The following CAMK1D variants were observed in gnomAD, a reference collection of about 807,000 sequenced individuals.
CAMK1D encodes calcium/calmodulin-dependent protein kinase type 1D.
In CAMK1D, 9 loss-of-function variants were observed where a neutral mutation model predicts 47.7. The ratio of observed to expected loss-of-function variants is 0.19; its 90% CI spans 0.11 to 0.33. The LOEUF is 0.33. Ranked by LOEUF, CAMK1D falls within the 10% of genes least tolerant of loss-of-function variation. The pLI, the probability that CAMK1D is intolerant of heterozygous loss-of-function variation, is 1.00. For missense variants in CAMK1D, 291 were observed against 488.7 expected (o/e 0.60, Z 3.81); for synonymous variants, 184 against 184.9 (o/e 0.99, Z 0.04).
intron 2 of CAMK1D, among the ~76,000 whole-genome samples, chr10:12,664,937 A>G (rs1588754854): frequency 6.6e-6 from 1 of 152,234 alleles, no homozygotes; most frequent in East Asian, 1.9e-4. Context: ...GCAAATTAAA[A>G]CAATTTTTCC....
At chr10:12,685,991 T>A (rs1832645297) in intron 3 of CAMK1D, among the ~76,000 whole-genome samples, 1 of 152,232 alleles carries the variant, frequency 6.6e-6, no homozygotes, top group Non-Finnish European at 1.5e-5. Flanking sequence ...AGAGAGCTGA[T>A]ACATTCACTG....
chr10:12,533,127 C>A (rs1442407752), intron 1 of CAMK1D, among the ~76,000 whole-genome samples: 1 of 151,986 alleles, frequency 6.6e-6, no homozygotes, highest in Non-Finnish European at 1.5e-5. Context: ...GGATGGGTAC[C>A]CCATTCTCCA....
At chr10:12,533,298 C>T (rs1212386055) in intron 1 of CAMK1D, among the ~76,000 whole-genome samples, 1 of 152,292 alleles carries the variant, frequency 6.6e-6, no homozygotes, top group East Asian at 1.9e-4. Flanking sequence ...TTTCTCTGCA[C>T]TGAATCATCT....
chr10:12,433,950 G>A (rs1832558901), intron 1 of CAMK1D, among the ~76,000 whole-genome samples: 2 of 152,214 alleles, frequency 1.3e-5, no homozygotes, highest in Admixed American at 6.5e-5. Flanking sequence ...CTCCTCTGAA[G>A]TGGTACTGGC....
intron 3 of CAMK1D, among the ~76,000 whole-genome samples, chr10:12,695,318 C>T (rs929662510): frequency 1.2e-4 from 19 of 152,084 alleles, no homozygotes; most frequent in African/African-American, 4.1e-4. Flanking sequence ...ACGTAGAGGG[C>T]GAACATAAGT....
chr10:12,364,056 CG>C (rs981920854), intron 1 of CAMK1D, among the ~76,000 whole-genome samples: 1 of 151,956 alleles, frequency 6.6e-6, no homozygotes, highest in African/African-American at 2.4e-5. Context: ...TGGTGTTTTA[CG>C]GTTTGCAGTG....
At chr10:12,692,101 G>A (rs1192478622) in intron 3 of CAMK1D, among the ~76,000 whole-genome samples, 2 of 152,124 alleles carry the variant, frequency 1.3e-5, no homozygotes, top group Non-Finnish European at 2.9e-5. Flanking sequence ...TAAGCCAAAT[G>A]GTTGAATTGT....
At chr10:12,440,535 A>G (rs2768362) in intron 1 of CAMK1D, among the ~76,000 whole-genome samples, 104,940 of 151,866 alleles carry the variant, frequency 0.69, 36,570 homozygotes, top group South Asian at 0.77. Context: ...TGATCCGCCC[A>G]CCTCGGCCTC....
intron 1 of CAMK1D, among the ~76,000 whole-genome samples, chr10:12,510,339 C>T (rs975764114): frequency 1.3e-5 from 2 of 152,074 alleles, no homozygotes; most frequent in Admixed American, 6.6e-5. Context: ...TTGCTTGAAC[C>T]CAGGAGGCGG....
At chr10:12,659,748 G>A (rs1840220709) in intron 2 of CAMK1D, among the ~76,000 whole-genome samples, 1 of 152,160 alleles carries the variant, frequency 6.6e-6, no homozygotes, top group African/African-American at 2.4e-5. Context: ...TTCCATGCCA[G>A]GGAACCACGC....
chr10:12,705,733 G>C (rs1040088554), intron 3 of CAMK1D, among the ~76,000 whole-genome samples: 1 of 152,188 alleles, frequency 6.6e-6, no homozygotes, highest in African/African-American at 2.4e-5. Flanking sequence ...CTTGCCAAGG[G>C]CTGAGACATG....
rs924734245 is a variant in CAMK1D at position 12,400,763 on chromosome 10, G to A, written c.92+50853G>A. 2.6e-5 allele frequency among the ~76,000 whole-genome samples: 4 copies of A among 151,644 alleles called. No individual in the cohort carries two copies. The Admixed American group carries it at 2.6e-4, about 10-fold the overall frequency. ...TACCAGAGTGTGACGTAGGCCTCCA[G>A]GAAATGCGTTCTTCTGGTTTAATTC... On this transcript the variant is annotated intron_variant, in intron 1 of 10. Coordinates refer to ENST00000619168, the MANE Select transcript of CAMK1D (RefSeq NM_153498.4).
chr10:12,667,328 T>C (rs1162869136), intron 3 of CAMK1D, among the ~76,000 whole-genome samples: 1 of 152,216 alleles, frequency 6.6e-6, no homozygotes, highest in African/African-American at 2.4e-5. Context: ...AAGAGAAGTA[T>C]AATTGGTGTC....
At chr10:12,524,656 A>G (rs1039105652) in intron 1 of CAMK1D, among the ~76,000 whole-genome samples, 2 of 152,098 alleles carry the variant, frequency 1.3e-5, no homozygotes, top group African/African-American at 4.8e-5. Flanking sequence ...GCAGTGAGCC[A>G]AGATGGCACC....
intron 2 of CAMK1D, among the ~76,000 whole-genome samples, chr10:12,580,332 T>C (rs59309368): frequency 0.054 from 7,598 of 139,838 alleles, 270 homozygotes; most frequent in East Asian, 0.15. Flanking sequence ...CTCCCTCCCT[T>C]CCTTCCTTTT....
At chr10:12,609,340 G>C (rs115497419) in intron 2 of CAMK1D, among the ~76,000 whole-genome samples, 2 of 152,268 alleles carry the variant, frequency 1.3e-5, no homozygotes, top group Admixed American at 6.5e-5. Flanking sequence ...CCATGGAGAC[G>C]GGGTGGGGGA....
chr10:12,817,929 T>C (rs1832862530), intron 8 of CAMK1D, among the ~76,000 whole-genome samples: 1 of 152,194 alleles, frequency 6.6e-6, no homozygotes, highest in Non-Finnish European at 1.5e-5. Context: ...CCTCAGGTGA[T>C]CCACCTGTTT....
intron 2 of CAMK1D, among the ~76,000 whole-genome samples, chr10:12,579,186 G>A (rs1366102400): frequency 1.3e-5 from 2 of 152,190 alleles, no homozygotes; most frequent in Non-Finnish European, 2.9e-5. Flanking sequence ...CATGGTATGG[G>A]CAGGGAACAG....
chr10:12,624,594 A>G (rs540698870), intron 2 of CAMK1D, among the ~76,000 whole-genome samples: 1 of 152,326 alleles, frequency 6.6e-6, no homozygotes, highest in Admixed American at 6.5e-5. Context: ...TTGTAAGGGT[A>G]AATAGTAGTC....
Sources: allele counts gnomAD v4.1 joint callset (sites outside exome capture counted in the v4.1 genomes callset), GRCh38; gene constraint gnomAD v4.1.1; transcripts MANE v1.5; gene names NCBI Gene and HGNC (gene_info 2026-07-23, HGNC 2026-07-21).